Variants in MCC observed in about 807,000 individuals in gnomAD.
MCC encodes the protein colorectal mutant cancer protein.
A neutral mutation model predicts 116.2 loss-of-function variants in MCC; 90 were observed. The ratio of observed to expected loss-of-function variants is 0.77; its 90% CI spans 0.65 to 0.92. The LOEUF is 0.92. Ranked by LOEUF, MCC falls within the 40% of genes least tolerant of loss-of-function variation. MCC has a pLI of 0.00. For synonymous variants in MCC, 578 were observed against 510.5 expected (o/e 1.13, Z -1.78); for missense variants, 1,516 against 1,312.2 (o/e 1.16, Z -2.40).
chr5:113,178,408 G>C (rs1761447722), intron 3 of MCC, among the ~76,000 whole-genome samples: 2 of 152,186 alleles, frequency 1.3e-5, no homozygotes, highest in South Asian at 4.1e-4. Context: ...TGAGGTACTA[G>C]AAAACAAGAG....
intron 13 of MCC, 121 bp downstream of exon 13, chr5:113,067,957 AAC>A (rs774465358): frequency 4.3e-5 from 34 of 787,230 alleles, no homozygotes; most frequent in Middle Eastern, 2.3e-4. Flanking sequence ...AAAAACGAAA[AAC>A]ACACTTGACA....
chr5:113,144,512 G>A (rs975430118), intron 4 of MCC, among the ~76,000 whole-genome samples: 2 of 152,152 alleles, frequency 1.3e-5, no homozygotes, highest in South Asian at 2.1e-4. Flanking sequence ...CTTCTCACCC[G>A]CTACCTCCCC....
intron 3 of MCC, among the ~76,000 whole-genome samples, chr5:113,175,662 A>G (rs1172820600): frequency 2.0e-5 from 3 of 152,130 alleles, no homozygotes. Flanking sequence ...GTCGTATGAA[A>G]TTTGTATTAG....
rs529161742 is a variant in MCC, at chr5:113,433,493, G to A, written c.171-48281C>T. 3.7e-4 allele frequency: 225 copies of A among 616,306 alleles called. 1 individual carries two copies. Among genetic ancestry groups the A allele is most frequent in the South Asian group, 3.6e-3 (182 of 50,282 alleles). The allele number at this position is 616,306 out of a possible 1,614,324, so 38.2% of individuals were successfully genotyped here. ...AGGCTCTGTGTCCAGCACCTGCTCC[G>A]GGTCACGCTCTGGGGGAGTAGGAGT... On this transcript the variant is annotated intron_variant, in intron 1 of 18. Transcript: ENST00000408903.
At chr5:113,154,598 C>T (rs10477488) in intron 3 of MCC, among the ~76,000 whole-genome samples, 18,559 of 152,192 alleles carry the variant, frequency 0.12, 1,517 homozygotes, top group African/African-American at 0.23. Context: ...ATAACCTCCC[C>T]TCTTTTGGGG....
At chr5:113,176,970 T>C (rs1454342513) in intron 3 of MCC, among the ~76,000 whole-genome samples, 1 of 152,182 alleles carries the variant, frequency 6.6e-6, no homozygotes, top group Non-Finnish European at 1.5e-5. Flanking sequence ...GCGTAGACAC[T>C]CTGAGGTGCA....
rs184947557 is a variant in MCC, at chr5:113,450,494, T to G, written c.170+37751A>C. On this transcript the variant is annotated intron_variant, in intron 1 of 18. Transcript: ENST00000408903. Reference sequence around the variant, plus strand: ...TGGCAGCATCATGAACAGAAATGTGTGCGAACCCCAGGAGATAAAACATTT... The same window carrying G: ...TGGCAGCATCATGAACAGAAATGTGGGCGAACCCCAGGAGATAAAACATTT... Among the ~76,000 whole-genome samples, 426 of 152,282 alleles carry G rather than the reference T, an allele frequency of 2.8e-3. 3 individuals carry two copies. Among genetic ancestry groups the G allele is most frequent in the Admixed American group, 0.025 (386 of 15,294 alleles).
chr5:113,039,576 C>T (rs963993298), intron 17 of MCC, among the ~76,000 whole-genome samples: 2 of 152,174 alleles, frequency 1.3e-5, no homozygotes, highest in Admixed American at 6.5e-5. Context: ...GCTCACTCAT[C>T]GGCAAGCAAG....
At chr5:113,204,090 T>C (rs1206579695) in intron 3 of MCC, among the ~76,000 whole-genome samples, 4 of 152,146 alleles carry the variant, frequency 2.6e-5, no homozygotes, top group Non-Finnish European at 5.9e-5. Context: ...ATAAGAGGAA[T>C]GAGTATAAAG....
chr5:113,074,859 A>C (rs1447203193), intron 11 of MCC, among the ~76,000 whole-genome samples: 1 of 152,246 alleles, frequency 6.6e-6, no homozygotes, highest in Non-Finnish European at 1.5e-5. Context: ...AAAGAAATGA[A>C]CAAAGCCTCC....
chr5:113,055,443 G>C (rs569492673), intron 14 of MCC, among the ~76,000 whole-genome samples: 3 of 152,196 alleles, frequency 2.0e-5, no homozygotes, highest in Admixed American at 6.5e-5. Context: ...CGAAGACAAG[G>C]CTTCCGGGGA....
At chr5:113,072,981 C>G (rs1287760008) in intron 11 of MCC, among the ~76,000 whole-genome samples, 3 of 152,204 alleles carry the variant, frequency 2.0e-5, no homozygotes, top group African/African-American at 7.2e-5. Flanking sequence ...CACCGTCTAC[C>G]CAACACTACA....
intron 12 of MCC, among the ~76,000 whole-genome samples, chr5:113,070,111 A>T (rs1753934184): frequency 6.6e-6 from 1 of 152,216 alleles, no homozygotes; most frequent in African/African-American, 2.4e-5. Context: ...CAGATGGATT[A>T]TCTGCTTGCT....
At chr5:113,413,372 T>C (rs543186547) in intron 1 of MCC, among the ~76,000 whole-genome samples, 54 of 152,330 alleles carry the variant, frequency 3.5e-4, no homozygotes, top group Non-Finnish European at 4.7e-4. Context: ...GTACCTCTGG[T>C]AGAATTTGGC....
At chr5:113,229,094 G>A (rs999635498) in intron 3 of MCC, among the ~76,000 whole-genome samples, 1 of 152,144 alleles carries the variant, frequency 6.6e-6, no homozygotes, top group Non-Finnish European at 1.5e-5. Flanking sequence ...GTCAGTGTTT[G>A]GATGGTTTTT....
chr5:113,369,162 C>G (rs755354268), intron 2 of MCC, among the ~76,000 whole-genome samples: 10 of 151,950 alleles, frequency 6.6e-5, no homozygotes, highest in Non-Finnish European at 1.3e-4. Flanking sequence ...TTGATTATCA[C>G]TGACCATTGG....
At chr5:113,092,174 C>G (rs749991900) in intron 8 of MCC, among the ~76,000 whole-genome samples, 2 of 151,936 alleles carry the variant, frequency 1.3e-5, no homozygotes, top group Admixed American at 6.6e-5. Flanking sequence ...TAGCCTTGTA[C>G]GGCAAAAGGG....
At position 113,027,383 on chromosome 5, in the gene MCC, G is replaced by A. The variant is rs1249571346; in HGVS notation, c.2979C>T (p.Thr993=). Residue 993 remains threonine (T), a synonymous_variant, in exon 19 of 19, where the codon ACC becomes ACT. Transcript: ENST00000408903. ...TTCTTTGCTTGAGCATCCTCACTTG[G>A]GTCTCATGTCTCTCCACCATGGCCA... ...QMMAMVERHE[T]QVRMLKQRIA... is the part of the protein sequence containing the mutation. The A allele has an allele frequency of 4.3e-6, 7 of 1,613,916 alleles. No individual in the cohort carries two copies. In the African/African-American group the frequency reaches 8.0e-5, roughly 18 times the overall value.
chr5:113,206,430 T>C (rs1221349785), intron 3 of MCC, among the ~76,000 whole-genome samples: 3 of 152,230 alleles, frequency 2.0e-5, no homozygotes, highest in Non-Finnish European at 4.4e-5. Flanking sequence ...TTTAAATTTT[T>C]CGGGCCGGGC....
Sources: gnomAD v4.1 joint callset for allele counts (sites outside exome capture counted in the v4.1 genomes callset) on GRCh38, gnomAD v4.1.1 for gene constraint, MANE v1.5 for transcripts, NCBI Gene and HGNC (gene_info 2026-07-23, HGNC 2026-07-21) for gene names.